COL5A2: variants seen among roughly 807,000 people sequenced by gnomAD.
COL5A2 encodes the protein collagen type V alpha 2 chain, also known as collagen alpha-2(V) chain.
Under a neutral mutation model 208.2 loss-of-function variants are expected in COL5A2, and 23 were observed. That is an observed-to-expected ratio of 0.11 (90% CI 0.08 to 0.16). COL5A2 has a LOEUF of 0.16. Ranked by LOEUF, COL5A2 falls within the 10% of genes least tolerant of loss-of-function variation. COL5A2 has a pLI of 1.00. For missense variants in COL5A2, 1,590 were observed against 1,956.4 expected (o/e 0.81, Z 3.53); for synonymous variants, 625 against 628.5 (o/e 0.99, Z 0.08).
the COL5A2 span, among the ~76,000 whole-genome samples, chr2:189,353,538 T>C: frequency 3.9e-5 from 6 of 152,184 alleles, no homozygotes; most frequent in Non-Finnish European, 7.4e-5. Context: ...AGGTATTTTA[T>C]TATCTTTGTA....
chr2:189,119,287 G>A (rs1221190044), intron 1 of COL5A2, among the ~76,000 whole-genome samples: 1 of 152,052 alleles, frequency 6.6e-6, no homozygotes, highest in Non-Finnish European at 1.5e-5. Context: ...AGGGGTAGAG[G>A]AAGGAGGATG....
At chr2:189,355,060 G>A in the COL5A2 span, among the ~76,000 whole-genome samples, 2 of 152,148 alleles carry the variant, frequency 1.3e-5, no homozygotes, top group Non-Finnish European at 2.9e-5. Flanking sequence ...TCAGGAGCAG[G>A]TTGTTCAATT....
intron 11 of COL5A2, 56 bp downstream of exon 11, chr2:189,085,104 T>C: frequency 7.3e-7 from 1 of 1,374,682 alleles, no homozygotes. Context: ...CTTGTTAACA[T>C]TTTAACCCCT....
At chr2:189,035,285 A>C in intron 52 of COL5A2, 130 bp from the exon 53 acceptor site, 1 of 1,218,412 alleles carries the variant, frequency 8.2e-7, no homozygotes, top group Non-Finnish European at 1.2e-6. Context: ...AATTCTTGTC[A>C]TAAAGTAAGC....
chr2:189,079,725 T>C (rs1686489757), intron 14 of COL5A2, among the ~76,000 whole-genome samples: 1 of 152,182 alleles, frequency 6.6e-6, no homozygotes, highest in African/African-American at 2.4e-5. Context: ...CATAGTGCCA[T>C]CTTCATATGA....
At chr2:189,316,363 A>C in the COL5A2 span, among the ~76,000 whole-genome samples, 5 of 152,156 alleles carry the variant, frequency 3.3e-5, no homozygotes, top group Non-Finnish European at 7.4e-5. Flanking sequence ...TAGGAATAGA[A>C]AACCAAACAC....
At chr2:189,382,596 C>T in the COL5A2 span, among the ~76,000 whole-genome samples, 9 of 152,062 alleles carry the variant, frequency 5.9e-5, no homozygotes, top group Non-Finnish European at 1.0e-4. Flanking sequence ...TCAGCTGTTA[C>T]GCACGTCCAT....
intron 1 of COL5A2, among the ~76,000 whole-genome samples, chr2:189,135,272 C>A (rs1687806777): frequency 6.6e-6 from 1 of 152,182 alleles, no homozygotes; most frequent in Non-Finnish European, 1.5e-5. Context: ...ACCCTATTAG[C>A]AACTTTTTTC....
chr2:189,061,399 C>CA (rs1326066887), intron 30 of COL5A2, among the ~76,000 whole-genome samples, 163 bp downstream of exon 30: 12 of 151,330 alleles, frequency 7.9e-5, no homozygotes, highest in Non-Finnish European at 1.5e-4. Flanking sequence ...TTACTTTGAA[C>CA]AAAAATGTTC....
rs567023012 is a variant in COL5A2 at position 189,105,221 on chromosome 2, T to C, written c.323-944A>G. Among the ~76,000 whole-genome samples, 7 of 151,912 alleles carry C rather than the reference T, an allele frequency of 4.6e-5. No individual in the cohort carries two copies. The East Asian group carries it at 5.8e-4, about 13-fold the overall frequency. On this transcript the variant is annotated intron_variant, in intron 2 of 53. Transcript: ENST00000374866. Reference sequence around the variant, plus strand: ...GCTACATGCAAGTATATTTGTAAGATAAATTCCCCAATATCCTTTTTGAGT... The same window carrying C: ...GCTACATGCAAGTATATTTGTAAGACAAATTCCCCAATATCCTTTTTGAGT...
At chr2:189,071,425 T>A (rs544617585) in intron 18 of COL5A2, among the ~76,000 whole-genome samples, 27 of 152,316 alleles carry the variant, frequency 1.8e-4, no homozygotes, top group African/African-American at 6.3e-4. Flanking sequence ...CATCCTTGAA[T>A]TTATCCCAAA....
the COL5A2 span, among the ~76,000 whole-genome samples, chr2:189,362,207 T>C: frequency 6.6e-6 from 1 of 152,136 alleles, no homozygotes; most frequent in African/African-American, 2.4e-5. Context: ...TTGAAAAAGC[T>C]ACCAATCATC....
the COL5A2 span, among the ~76,000 whole-genome samples, chr2:189,398,987 T>C: frequency 1.3e-5 from 2 of 152,208 alleles, no homozygotes; most frequent in South Asian, 2.1e-4. Context: ...TTGAATTCCA[T>C]AAATTCTCTC....
At chr2:189,424,555 C>T in the COL5A2 span, among the ~76,000 whole-genome samples, 2 of 151,996 alleles carry the variant, frequency 1.3e-5, no homozygotes. Context: ...ATCAAGAAAA[C>T]AATTCCACTT....
At chr2:189,247,824 C>T in the COL5A2 span, among the ~76,000 whole-genome samples, 8 of 152,138 alleles carry the variant, frequency 5.3e-5, no homozygotes, top group African/African-American at 1.7e-4. Context: ...AAGTGATCCA[C>T]GCATCTCAGC....
chr2:189,088,987 A>G (rs1326939845), intron 7 of COL5A2, among the ~76,000 whole-genome samples: 2 of 152,184 alleles, frequency 1.3e-5, no homozygotes, highest in African/African-American at 4.8e-5. Flanking sequence ...TTGTATAAGT[A>G]TGTTGCTCCA....
chr2:189,413,971 T>G, the COL5A2 span, among the ~76,000 whole-genome samples: 1 of 152,066 alleles, frequency 6.6e-6, no homozygotes, highest in African/African-American at 2.4e-5. Context: ...TGTGTATTTT[T>G]AGTAGAGACG....
chr2:189,301,683 A>G, the COL5A2 span, among the ~76,000 whole-genome samples: 1 of 152,206 alleles, frequency 6.6e-6, no homozygotes, highest in South Asian at 2.1e-4. Flanking sequence ...CCAGAGATTC[A>G]ATGTATTTAT....
the COL5A2 span, among the ~76,000 whole-genome samples, chr2:189,416,057 T>C: frequency 6.6e-6 from 1 of 152,324 alleles, no homozygotes; most frequent in South Asian, 2.1e-4. Flanking sequence ...ACTACATTCC[T>C]ACAACAGGTG....
Sources: allele counts gnomAD v4.1 joint callset (sites outside exome capture counted in the v4.1 genomes callset), GRCh38; gene constraint gnomAD v4.1.1; transcripts MANE v1.5; gene names NCBI Gene and HGNC (gene_info 2026-07-23, HGNC 2026-07-21).